Variants in STK36 observed in about 807,000 individuals in gnomAD.
STK36 encodes serine/threonine-protein kinase 36.
STK36 carries 116 observed loss-of-function variants against 142.2 expected under a neutral mutation model. That is an observed-to-expected ratio of 0.82 (90% confidence interval 0.70 to 0.95). STK36 has a LOEUF of 0.95. Ranked by LOEUF, STK36 falls within the 40% of genes least tolerant of loss-of-function variation. The probability of loss-of-function intolerance (pLI) is 0.00; values close to 1 mark genes in which losing one functional copy is unlikely to be tolerated. For synonymous variants in STK36, 619 were observed against 641.7 expected (o/e 0.96, Z 0.53); for missense variants, 1,422 against 1,617.2 (o/e 0.88, Z 2.07).
In STK36 at chr2:218,692,308, G is replaced by A. The variant is rs367848016; in HGVS notation, c.1915+15G>A. On this transcript the variant is annotated intron_variant, in intron 15 of 26. Coordinates refer to ENST00000295709, the MANE Select transcript of STK36 (RefSeq NM_015690.5). ...CACTCCCCAAGGTAACCAGAGTGGA[G>A]AAGGGAGGTTCTCTTGACTTACTTG... 3 of 1,613,736 alleles carry A rather than the reference G, an allele frequency of 1.9e-6. No individual in the cohort carries two copies. The highest frequency in any genetic ancestry group is 2.5e-6 in the Non-Finnish European group (3 of 1,179,948).
chr2:218,681,146 G>A (rs187823726), intron 10 of STK36, among the ~76,000 whole-genome samples: 230 of 123,362 alleles, frequency 1.9e-3, no homozygotes, highest in Non-Finnish European at 2.8e-3. Context: ...TTTTTTTTTC[G>A]AGACAGAGTC....
chr2:218,675,868 T>C (rs1285782720), intron 5 of STK36, among the ~76,000 whole-genome samples, 161 bp from the exon 6 acceptor site: 1 of 152,046 alleles, frequency 6.6e-6, no homozygotes, highest in East Asian at 1.9e-4. Flanking sequence ...TTGGGCCTCA[T>C]TTTAGAACCG....
intron 11 of STK36, 67 bp from the exon 12 acceptor site, chr2:218,688,630 A>G (rs1270172381): frequency 6.5e-7 from 1 of 1,528,676 alleles, no homozygotes; most frequent in African/African-American, 1.4e-5. Flanking sequence ...GATGCTTGGT[A>G]TGTGTAGTTC....
chr2:218,684,414 CTTT>C (rs779556469), intron 10 of STK36, among the ~76,000 whole-genome samples: 866 of 49,252 alleles, frequency 0.018, 9 homozygotes, highest in African/African-American at 0.069. Context: ...TGCGCCTGGC[CTTT>C]TTTTTTTTTT....
intron 4 of STK36, among the ~76,000 whole-genome samples, chr2:218,675,141 T>C (rs1940175655): frequency 6.6e-6 from 1 of 152,124 alleles, no homozygotes; most frequent in South Asian, 2.1e-4. Flanking sequence ...TGAGATTCAA[T>C]AAATTTTTCT....
chr2:218,690,870 A>G (rs1940972703), intron 14 of STK36, among the ~76,000 whole-genome samples: 1 of 152,244 alleles, frequency 6.6e-6, no homozygotes, highest in African/African-American at 2.4e-5. Context: ...ACTTAACACT[A>G]TTTGGAGTAT....
intron 26 of STK36, among the ~76,000 whole-genome samples, chr2:218,701,177 C>T (rs945695349): frequency 1.3e-5 from 2 of 151,412 alleles, no homozygotes; most frequent in African/African-American, 4.9e-5. Flanking sequence ...TTGTCGCCCC[C>T]AGGCTGGAGT....
chr2:218,693,155 G>GA, intron 16 of STK36, 85 bp from the exon 17 acceptor site: 3 of 1,148,250 alleles, frequency 2.6e-6, no homozygotes, highest in Non-Finnish European at 3.9e-6. Context: ...GGAAGAGACT[G>GA]AGAGTCCTGA....
chr2:218,677,564 C>G (rs373058313), intron 6 of STK36, among the ~76,000 whole-genome samples: 1 of 152,164 alleles, frequency 6.6e-6, no homozygotes. Flanking sequence ...TACTAGAGAT[C>G]GATACTGGTC....
At chr2:218,672,485 A>G in intron 1 of STK36, 1 of 322,214 alleles carries the variant, frequency 3.1e-6, no homozygotes, top group Non-Finnish European at 5.9e-6. Flanking sequence ...TGGTTGGGCG[A>G]GGCTAGGTTG....
chr2:218,692,882 C>T (rs1222461305), intron 16 of STK36, among the ~76,000 whole-genome samples, 172 bp downstream of exon 16: 2 of 152,192 alleles, frequency 1.3e-5, no homozygotes, highest in African/African-American at 4.8e-5. Flanking sequence ...AGCCAGAATC[C>T]CAGAGCCCAT....
intron 7 of STK36, 44 bp from the exon 8 acceptor site, chr2:218,679,516 T>C: frequency 6.3e-7 from 1 of 1,593,306 alleles, no homozygotes; most frequent in South Asian, 1.1e-5. Context: ...ACACAGGGAC[T>C]ATGGCCCCCA....
chr2:218,695,489 A>G (rs1352034507), intron 21 of STK36, among the ~76,000 whole-genome samples: 2 of 146,502 alleles, frequency 1.4e-5, no homozygotes, highest in Non-Finnish European at 3.0e-5. Flanking sequence ...CGGCCTCTCA[A>G]AGTGCTGGGA....
chr2:218,696,841 T>C, intron 22 of STK36, 198 bp from the exon 23 acceptor site: 1 of 929,982 alleles, frequency 1.1e-6, no homozygotes. Flanking sequence ...TCAGCAGACA[T>C]ACACATGAGT....
intron 11 of STK36, among the ~76,000 whole-genome samples, chr2:218,687,203 T>TA (rs1940813207): frequency 6.6e-6 from 1 of 152,238 alleles, no homozygotes; most frequent in Admixed American, 6.5e-5. Flanking sequence ...AGTCTGTGGT[T>TA]TGTCTTTTCA....
At chr2:218,693,871 T>C in intron 18 of STK36, 24 bp from the exon 19 acceptor site, 2 of 1,614,212 alleles carry the variant, frequency 1.2e-6, no homozygotes, top group Non-Finnish European at 1.7e-6. Context: ...GAGGTTGTTC[T>C]GATATCTTAG....
chr2:218,691,814 T>A (rs1426693117), intron 14 of STK36, among the ~76,000 whole-genome samples: 1 of 152,158 alleles, frequency 6.6e-6, no homozygotes, highest in East Asian at 1.9e-4. Context: ...TGCCTCGGCC[T>A]CCCAATCCCC....
chr2:218,680,496 A>G (rs1391826691), intron 9 of STK36, 107 bp from the exon 10 acceptor site: 7 of 899,702 alleles, frequency 7.8e-6, no homozygotes, highest in East Asian at 2.7e-5. Flanking sequence ...TCAATCCTAT[A>G]TGGCTTCTTT....
In STK36 at chr2:218,697,504, C is replaced by G; in HGVS notation, c.2803C>G (p.Gln935Glu). Residue 935 changes from glutamine to glutamate, a missense_variant, in exon 24 of 27, where the codon CAG (glutamine) becomes GAG (glutamate). Transcript: ENST00000295709. ...LLSLAMATFT[Q>E]EPQLCLSCLS... ...GAGCCTGGCCATGGCCACCTTTACC[C>G]AGGAGCCCCAGTTATGCCTGAGCTG... 6.2e-7 allele frequency: 1 copy of G among 1,614,206 alleles called. No individual in the cohort carries two copies. The highest frequency in any genetic ancestry group is 1.3e-5 in the African/African-American group (1 of 75,048).
Sources: allele counts gnomAD v4.1 joint callset (sites outside exome capture counted in the v4.1 genomes callset), GRCh38; gene constraint gnomAD v4.1.1; transcripts MANE v1.5; gene names NCBI Gene and HGNC (gene_info 2026-07-23, HGNC 2026-07-21).